MS4A4E: variants seen among roughly 807,000 people sequenced by gnomAD.
MS4A4E encodes the protein putative membrane-spanning 4-domains subfamily A member 4E.
MS4A4E carries 23 observed loss-of-function variants against 13.3 expected under a neutral mutation model. That is an observed-to-expected ratio of 1.73 (90% confidence interval 1.25 to 2.45). The LOEUF is 2.45. Among genes scored for constraint, MS4A4E ranks in the 30% most tolerant of loss-of-function variants. MS4A4E has a pLI of 0.00. For synonymous variants in MS4A4E, 36 were observed against 45.6 expected (o/e 0.79, Z 0.85); for missense variants, 144 against 131.2 (o/e 1.10, Z -0.48).
chr11:60,240,668 A>C (rs920323558), intron 1 of MS4A4E, among the ~76,000 whole-genome samples: 1 of 152,156 alleles, frequency 6.6e-6, no homozygotes, highest in Non-Finnish European at 1.5e-5. Flanking sequence ...GTTGTTCTAA[A>C]GTAATTTCAT....
intron 8 of MS4A4E, among the ~76,000 whole-genome samples, chr11:60,203,378 A>G (rs1439459408): frequency 6.6e-6 from 1 of 152,146 alleles, no homozygotes; most frequent in African/African-American, 2.4e-5. Flanking sequence ...ATTTTTATAG[A>G]TGAGGAAACT....
intron 8 of MS4A4E, 84 bp from the exon 9 acceptor site, chr11:60,201,963 C>T (rs1253712007): frequency 6.4e-6 from 1 of 155,798 alleles, no homozygotes; most frequent in Non-Finnish European, 1.4e-5. Flanking sequence ...TAGAAGTTAT[C>T]AGTAATATCA....
intron 8 of MS4A4E, among the ~76,000 whole-genome samples, chr11:60,203,386 A>G (rs1193152011): frequency 6.6e-6 from 1 of 152,176 alleles, no homozygotes; most frequent in Non-Finnish European, 1.5e-5. Context: ...AGATGAGGAA[A>G]CTGAAGAAAC....
At chr11:60,229,531 A>T (rs968959617) in intron 2 of MS4A4E, among the ~76,000 whole-genome samples, 7 of 152,232 alleles carry the variant, frequency 4.6e-5, no homozygotes, top group African/African-American at 1.4e-4. Context: ...CAGTAGGCTA[A>T]GAAAAGCTGC....
At chr11:60,239,062 A>G (rs757593567) in intron 1 of MS4A4E, among the ~76,000 whole-genome samples, 5 of 152,246 alleles carry the variant, frequency 3.3e-5, no homozygotes, top group African/African-American at 4.8e-5. Context: ...ATGTCCAACA[A>G]CTGAGGAATG....
chr11:60,225,009 G>T (rs757858978), intron 3 of MS4A4E: 7 of 1,544,304 alleles, frequency 4.5e-6, no homozygotes, highest in Non-Finnish European at 6.1e-6. Flanking sequence ...ACAAAAATGG[G>T]ATGTTCTTCA....
Position 60,209,952 on chromosome 11 carries a change from T to C in MS4A4E, c.382-1258A>G, listed in dbSNP as rs114976340. ...TGTAGCGGCCTCTGTGTTTCAAACA[T>C]TGTTGTAGGCACAGAATATAGAACA... On this transcript the variant is annotated intron_variant, in intron 5 of 8. Coordinates refer to ENST00000651255, the MANE Select transcript of MS4A4E (RefSeq NM_001393391.1). Among the ~76,000 whole-genome samples the C allele has an allele frequency of 3.8e-3, 583 of 152,334 alleles. 4 individuals are homozygous for C. The highest frequency in any genetic ancestry group is 0.013 in the African/African-American group (527 of 41,570).
chr11:60,201,496 T>C lies in MS4A4E; in HGVS notation c.*47A>G, dbSNP rs753936897. ...CGGGGTCGCGGCCGGGCAGAGGTGC[T>C]CCTCACATCCCAGACAGGGCGGTGG... On this transcript the variant is annotated 3_prime_UTR_variant, in exon 9 of 9. Coordinates refer to ENST00000651255, the MANE Select transcript of MS4A4E (RefSeq NM_001393391.1). 153 of 236,290 alleles carry C rather than the reference T, an allele frequency of 6.5e-4. 2 individuals are homozygous for C. Among genetic ancestry groups the C allele is most frequent in the Non-Finnish European group, 1.4e-4 (17 of 118,008 alleles). 14.6% of individuals were successfully genotyped at this position (236,290 alleles called of 1,614,324 possible). A position where few individuals can be genotyped will look rare whatever the true frequency, so the allele number is the denominator to read the frequency against.
chr11:60,209,445 C>G (rs1339362954), intron 5 of MS4A4E, among the ~76,000 whole-genome samples: 1 of 152,198 alleles, frequency 6.6e-6, no homozygotes, highest in Non-Finnish European at 1.5e-5. Context: ...AGGAGTACGG[C>G]CTTGCCCACA....
intron 5 of MS4A4E, among the ~76,000 whole-genome samples, chr11:60,212,131 C>CA (rs1194310719): frequency 1.3e-5 from 2 of 151,908 alleles, no homozygotes; most frequent in East Asian, 1.9e-4. Flanking sequence ...ACAACTGGTA[C>CA]AAAAAAAGTA....
At chr11:60,229,454 T>C (rs1227123182) in intron 2 of MS4A4E, among the ~76,000 whole-genome samples, 1 of 152,200 alleles carries the variant, frequency 6.6e-6, no homozygotes. Context: ...TATATTGTTT[T>C]TAGACACGTT....
intron 3 of MS4A4E, 68 bp downstream of exon 3, chr11:60,228,526 A>G (rs2084370128): frequency 1.6e-6 from 1 of 636,400 alleles, no homozygotes; most frequent in South Asian, 1.9e-5. Context: ...AGTAACAGGG[A>G]AGACAGTTTG....
chr11:60,223,734 C>T (rs1212332128), intron 3 of MS4A4E, among the ~76,000 whole-genome samples: 3 of 152,138 alleles, frequency 2.0e-5, no homozygotes, highest in Non-Finnish European at 4.4e-5. Context: ...TGGCCTACAT[C>T]TTTCTCTCGT....
At chr11:60,237,777 A>G (rs566931508) in intron 1 of MS4A4E, among the ~76,000 whole-genome samples, 1 of 152,066 alleles carries the variant, frequency 6.6e-6, no homozygotes, top group East Asian at 1.9e-4. Flanking sequence ...TCATTTGTGT[A>G]TATTATTTGT....
chr11:60,233,593 G>A (rs2084440693), intron 1 of MS4A4E, among the ~76,000 whole-genome samples: 1 of 152,218 alleles, frequency 6.6e-6, no homozygotes, highest in Admixed American at 6.5e-5. Flanking sequence ...GAATACCTGT[G>A]CCTGGAAGGC....
At chr11:60,202,501 T>A (rs2083999834) in intron 8 of MS4A4E, among the ~76,000 whole-genome samples, 1 of 152,338 alleles carries the variant, frequency 6.6e-6, no homozygotes, top group South Asian at 2.1e-4. Flanking sequence ...TATAGTCTTT[T>A]TCTTGTTCCC....
chr11:60,216,929 A>G (rs907313769), intron 3 of MS4A4E, among the ~76,000 whole-genome samples: 1 of 152,150 alleles, frequency 6.6e-6, no homozygotes, highest in Admixed American at 6.5e-5. Flanking sequence ...CATCTATCCT[A>G]TTAGTTCTAT....
At chr11:60,236,403 T>C (rs1021565214) in intron 1 of MS4A4E, among the ~76,000 whole-genome samples, 1 of 152,176 alleles carries the variant, frequency 6.6e-6, no homozygotes, top group Non-Finnish European at 1.5e-5. Flanking sequence ...TATTACCATC[T>C]TACCAATATT....
intron 5 of MS4A4E, among the ~76,000 whole-genome samples, chr11:60,211,135 T>A (rs943538636): frequency 6.6e-6 from 1 of 152,136 alleles, no homozygotes; most frequent in African/African-American, 2.4e-5. Flanking sequence ...CCTCATAAAC[T>A]AAAAGTAAGG....
Sources: gnomAD v4.1 joint callset for allele counts (sites outside exome capture counted in the v4.1 genomes callset) on GRCh38, gnomAD v4.1.1 for gene constraint, MANE v1.5 for transcripts, NCBI Gene and HGNC (gene_info 2026-07-23, HGNC 2026-07-21) for gene names.